FBXW7: variants seen among roughly 807,000 people sequenced by gnomAD.
FBXW7 encodes the protein F-box/WD repeat-containing protein 7.
Under a neutral mutation model 86.3 loss-of-function variants are expected in FBXW7, and 11 were observed. The observed-to-expected ratio is 0.13, with a 90% CI of 0.08 to 0.21. The LOEUF (loss-of-function observed/expected upper bound fraction) is 0.21, where lower values mean the gene tolerates loss of function less well. FBXW7 is among the 10% of genes least tolerant of loss of function. The pLI, the probability that FBXW7 is intolerant of heterozygous loss-of-function variation, is 1.00. For missense variants in FBXW7, 488 were observed against 847.4 expected (o/e 0.58, Z 5.27); for synonymous variants, 313 against 297.9 (o/e 1.05, Z -0.52).
At chr4:152,351,871 A>G (rs1037986373) in intron 4 of FBXW7, among the ~76,000 whole-genome samples, 3 of 152,130 alleles carry the variant, frequency 2.0e-5, no homozygotes, top group Middle Eastern at 3.2e-3. Context: ...ATGCCCCAAA[A>G]TGTGTATCAA....
chr4:152,428,525 G>A (rs770457810), intron 2 of FBXW7, among the ~76,000 whole-genome samples: 2 of 152,128 alleles, frequency 1.3e-5, no homozygotes, highest in Non-Finnish European at 2.9e-5. Flanking sequence ...GAGATTCAAG[G>A]GACTACTTTT....
rs545986783 is a variant in FBXW7, at chr4:152,380,377, T to C, written c.502-30253A>G. ...AATTTCACAATCCCTCTAATATTTC[T>C]AGTAGTCAGAGTCAATGAGTTATGC... On this transcript the variant is annotated intron_variant, in intron 4 of 13. Coordinates refer to ENST00000281708, the MANE Select transcript of FBXW7 (RefSeq NM_001349798.2). Among the ~76,000 whole-genome samples, 38 of 152,182 alleles carry C rather than the reference T, an allele frequency of 2.5e-4. 1 individual carries two copies. Among genetic ancestry groups the C allele is most frequent in the Non-Finnish European group, 4.4e-4 (30 of 67,942 alleles).
intron 2 of FBXW7, among the ~76,000 whole-genome samples, chr4:152,483,691 C>G (rs1026676060): frequency 6.6e-6 from 1 of 151,942 alleles, no homozygotes; most frequent in Admixed American, 6.6e-5. Flanking sequence ...AAGTGAGACC[C>G]TGTCTCCAAA....
chr4:152,340,801 T>A (rs1294162488), intron 6 of FBXW7, among the ~76,000 whole-genome samples: 1 of 152,116 alleles, frequency 6.6e-6, no homozygotes, highest in Non-Finnish European at 1.5e-5. Flanking sequence ...TTTTTCAACA[T>A]CTATTTTTGG....
At chr4:152,396,974 A>G (rs751952084) in intron 4 of FBXW7, among the ~76,000 whole-genome samples, 2 of 152,076 alleles carry the variant, frequency 1.3e-5, no homozygotes, top group Non-Finnish European at 2.9e-5. Context: ...TATAGTAACT[A>G]ATTTGAAGAA....
At chr4:152,363,871 C>A (rs756232192) in intron 4 of FBXW7, among the ~76,000 whole-genome samples, 1 of 152,062 alleles carries the variant, frequency 6.6e-6, no homozygotes, top group Non-Finnish European at 1.5e-5. Context: ...GGGATTTGAA[C>A]CTAAGGAAGT....
chr4:152,334,766 C>T (rs1215577141), intron 7 of FBXW7, among the ~76,000 whole-genome samples: 2 of 152,144 alleles, frequency 1.3e-5, no homozygotes, highest in African/African-American at 4.8e-5. Flanking sequence ...AGTTGAAGTG[C>T]TAACTCTACA....
chr4:152,381,243 T>C (rs1430806185), intron 4 of FBXW7, among the ~76,000 whole-genome samples: 2 of 152,088 alleles, frequency 1.3e-5, no homozygotes, highest in East Asian at 3.8e-4. Flanking sequence ...AAAATATTCT[T>C]CCAGTGTTAT....
intron 7 of FBXW7, among the ~76,000 whole-genome samples, chr4:152,335,406 T>A (rs1438754823): frequency 6.6e-6 from 1 of 152,206 alleles, no homozygotes; most frequent in African/African-American, 2.4e-5. Context: ...AGTTTGAGGC[T>A]GCAGTGAGCT....
intron 4 of FBXW7, among the ~76,000 whole-genome samples, chr4:152,352,028 G>T (rs956205013): frequency 6.6e-6 from 1 of 151,988 alleles, no homozygotes; most frequent in Admixed American, 6.6e-5. Context: ...TTTTTGAGGG[G>T]TACAGAAAGT....
intron 2 of FBXW7, among the ~76,000 whole-genome samples, chr4:152,427,886 T>C (rs1739528073): frequency 1.3e-5 from 2 of 152,202 alleles, no homozygotes; most frequent in East Asian, 1.9e-4. Flanking sequence ...CATTAACTTC[T>C]TAACATGTAT....
chr4:152,484,709 C>T (rs1464627742), intron 2 of FBXW7, among the ~76,000 whole-genome samples: 2 of 152,126 alleles, frequency 1.3e-5, no homozygotes, highest in Non-Finnish European at 2.9e-5. Flanking sequence ...TGCCTGTAAT[C>T]CCAGCACTTT....
intron 2 of FBXW7, among the ~76,000 whole-genome samples, chr4:152,518,788 T>C (rs947675985): frequency 2.6e-5 from 4 of 152,150 alleles, no homozygotes; most frequent in African/African-American, 9.7e-5. Context: ...TAGCTCTTTT[T>C]AAGGTAACAG....
intron 2 of FBXW7, among the ~76,000 whole-genome samples, chr4:152,464,681 G>T (rs920657556): frequency 6.6e-6 from 1 of 152,152 alleles, no homozygotes; most frequent in African/African-American, 2.4e-5. Context: ...ATGAACAGTT[G>T]TAATTAATTA....
Position 152,322,240 on chromosome 4 carries a change from T to A in FBXW7, c.*641A>T. The A allele has an allele frequency of 4.4e-6, 1 of 229,546 alleles. No individual in the cohort carries two copies. The highest frequency in any genetic ancestry group is 6.1e-5 in the East Asian group (1 of 16,412). 14.2% of individuals were successfully genotyped at this position (229,546 alleles called of 1,614,324 possible). A position where few individuals can be genotyped will look rare whatever the true frequency, so the allele number is the denominator to read the frequency against. On this transcript the variant is annotated 3_prime_UTR_variant, in exon 14 of 14. Coordinates refer to ENST00000281708, the MANE Select transcript of FBXW7 (RefSeq NM_001349798.2). ...CAACTTGCCACCTTTGAGCAACATA[T>A]GCATTGAAGAATGTATATGGAAGCA...
chr4:152,500,690 A>C (rs113494365), intron 2 of FBXW7, among the ~76,000 whole-genome samples: 1 of 152,234 alleles, frequency 6.6e-6, no homozygotes, highest in Non-Finnish European at 1.5e-5. Flanking sequence ...TTGTTAACAC[A>C]GGGAAGGATG....
At chr4:152,523,945 A>T (rs1749260249) in intron 2 of FBXW7, among the ~76,000 whole-genome samples, 1 of 152,230 alleles carries the variant, frequency 6.6e-6, no homozygotes, top group African/African-American at 2.4e-5. Context: ...TCTGCTGCTG[A>T]ATAAAGGCAG....
At chr4:152,532,013 T>C (rs923380768) in intron 2 of FBXW7, among the ~76,000 whole-genome samples, 22 of 152,216 alleles carry the variant, frequency 1.4e-4, no homozygotes, top group African/African-American at 5.1e-4. Context: ...TTAGGTAGTG[T>C]CTCATTCATT....
intron 10 of FBXW7, 101 bp from the exon 11 acceptor site, chr4:152,328,490 ATTTG>A (rs1201374748): frequency 1.3e-5 from 10 of 749,700 alleles, no homozygotes; most frequent in African/African-American, 7.3e-5. Flanking sequence ...TACTTATTTA[ATTTG>A]TTTGGCTCTT....
Sources: allele counts gnomAD v4.1 joint callset (sites outside exome capture counted in the v4.1 genomes callset), GRCh38; gene constraint gnomAD v4.1.1; transcripts MANE v1.5; gene names NCBI Gene and HGNC (gene_info 2026-07-23, HGNC 2026-07-21).